Variants in ZFP2 observed in about 807,000 individuals in gnomAD.
The protein encoded by ZFP2 is zinc finger protein ZFP2.
A neutral mutation model predicts 36.1 loss-of-function variants in ZFP2; 33 were observed. The observed-to-expected ratio is 0.92, with a 90% confidence interval of 0.69 to 1.22. The LOEUF (loss-of-function observed/expected upper bound fraction) is 1.22, where lower values mean the gene tolerates loss of function less well. ZFP2 is among the 50% of genes most tolerant of loss of function. The probability of loss-of-function intolerance (pLI) is 0.00; values close to 1 mark genes in which losing one functional copy is unlikely to be tolerated. For missense variants in ZFP2, 522 were observed against 551.4 expected, an observed-to-expected ratio of 0.95 and a Z score of 0.53; for synonymous variants, 170 against 178.0, an observed-to-expected ratio of 0.96 and a Z score of 0.36.
chr5:178,896,246 A>G (rs1192768396), intron 1 of ZFP2, among the ~76,000 whole-genome samples: 1 of 152,156 alleles, frequency 6.6e-6, no homozygotes. Context: ...CCGAGGTGGA[A>G]TCACAGCCCC....
intron 1 of ZFP2, among the ~76,000 whole-genome samples, chr5:178,902,074 G>A (rs1009879848): frequency 1.3e-5 from 2 of 152,198 alleles, no homozygotes; most frequent in African/African-American, 4.8e-5. Context: ...GGCGGAAGTT[G>A]CAGTGACGTG....
rs1008406670 is a variant in ZFP2 at position 178,915,330 on chromosome 5, T to C, written c.-223-1235T>C. Reference sequence around the variant, plus strand: ...CCTAAAGGTTTTTCTTTCTTTTTTTTTTTTTTTTTTTTTTTGAGATGGAGT... The same window carrying C: ...CCTAAAGGTTTTTCTTTCTTTTTTTCTTTTTTTTTTTTTTTGAGATGGAGT... On this transcript the variant is annotated intron_variant, in intron 3 of 4. Transcript: ENST00000361362. 1.8e-4 allele frequency among the ~76,000 whole-genome samples: 25 copies of C among 140,880 alleles called. No homozygotes were observed. In the East Asian group the frequency reaches 4.1e-3, roughly 23 times the overall value. 92.4% of individuals were successfully genotyped at this position (140,880 alleles called of 152,430 possible).
chr5:178,922,026 G>A lies in ZFP2; in HGVS notation c.-78+5316G>A, dbSNP rs147749482. On this transcript the variant is annotated intron_variant, in intron 4 of 4. Coordinates refer to ENST00000361362, the MANE Select transcript of ZFP2 (RefSeq NM_030613.4). ...TGTAAAAACATTTAAAGCTCCTTCCGCAGGCAGGAGAGTCAGCTAGCCACC... is the reference window on the plus strand; with the variant it reads ...TGTAAAAACATTTAAAGCTCCTTCCACAGGCAGGAGAGTCAGCTAGCCACC... The A allele has an allele frequency of 5.5e-5, 38 of 696,578 alleles. 2 individuals are homozygous for A. The highest frequency in any genetic ancestry group is 3.3e-4 in the Middle Eastern group (1 of 3,072). 43.1% of individuals were successfully genotyped at this position (696,578 alleles called of 1,614,324 possible).
rs185270448 is a variant in ZFP2 at position 178,924,583 on chromosome 5, T to C, written c.-77-6654T>C. ...GGCCAGGCACAGGGGCTCCCACCAG[T>C]AATCCCAGCACTTTGGGAGGCCAAG... On this transcript the variant is annotated intron_variant, in intron 4 of 4. Transcript: ENST00000361362. Among the ~76,000 whole-genome samples, 54 of 148,928 alleles carry C rather than the reference T, an allele frequency of 3.6e-4. 2 individuals carry two copies. Among genetic ancestry groups the C allele is most frequent in the African/African-American group, 1.3e-3 (52 of 41,192 alleles).
rs758831972 is a variant in ZFP2 at position 178,932,502 on chromosome 5, C to G, written c.1189C>G (p.Leu397Val). 5.6e-6 allele frequency: 9 copies of G among 1,613,942 alleles called. No homozygotes were observed. In the South Asian group the frequency reaches 9.9e-5, roughly 18 times the overall value. ...CGKAFSQSAY[L>V]IEHQRIHTGE... ...AAAGGCATTCAGCCAGAGTGCTTAC[C>G]TTATTGAACATCAAAGAATTCATAC... The change falls in exon 5 of 5, where the codon CTT becomes GTT. Residue 397 changes from leucine to valine, a missense_variant. Leu to Val is a conservative substitution (Grantham distance 32, BLOSUM62 1). Transcript: ENST00000361362.
At chr5:178,917,442 C>A (rs1296817496) in intron 4 of ZFP2, among the ~76,000 whole-genome samples, 1 of 152,012 alleles carries the variant, frequency 6.6e-6, no homozygotes, top group South Asian at 2.1e-4. Flanking sequence ...TGGTGAAACC[C>A]CGTCTCTACT....
chr5:178,897,042 CTTTTTT>C (rs3986659), intron 1 of ZFP2, among the ~76,000 whole-genome samples: 91 of 147,780 alleles, frequency 6.2e-4, no homozygotes, highest in African/African-American at 2.2e-3. Flanking sequence ...TTTCTTTTTT[CTTTTTT>C]TTTTTCAGTA....
At chr5:178,899,733 C>T (rs550303460) in intron 1 of ZFP2, among the ~76,000 whole-genome samples, 1 of 150,202 alleles carries the variant, frequency 6.7e-6, no homozygotes, top group South Asian at 2.1e-4. Flanking sequence ...CCAGGCTTCT[C>T]TGAAAAAGAA....
chr5:178,904,370 G>A (rs778768049), intron 1 of ZFP2, among the ~76,000 whole-genome samples: 1 of 152,094 alleles, frequency 6.6e-6, no homozygotes, highest in Non-Finnish European at 1.5e-5. Flanking sequence ...GACGCAGCAG[G>A]GGAACATGGT....
chr5:178,918,913 C>T (rs1229484983), intron 4 of ZFP2, among the ~76,000 whole-genome samples: 2 of 152,144 alleles, frequency 1.3e-5, no homozygotes. Context: ...ACCTATACTG[C>T]TCAGGCTCCA....
At chr5:178,899,947 CTG>C (rs1218961442) in intron 1 of ZFP2, among the ~76,000 whole-genome samples, 1 of 151,896 alleles carries the variant, frequency 6.6e-6, no homozygotes, top group African/African-American at 2.4e-5. Flanking sequence ...CAAGTATAAA[CTG>C]TTGTGATTTC....
Position 178,896,387 on chromosome 5 carries a change from C to G in ZFP2, c.-450+413C>G, listed in dbSNP as rs1367491432. 4.6e-5 allele frequency among the ~76,000 whole-genome samples: 7 copies of G among 152,324 alleles called. No homozygotes were observed. The South Asian group carries it at 1.4e-3, about 32-fold the overall frequency. On this transcript the variant is annotated intron_variant, in intron 1 of 4. Coordinates refer to ENST00000361362, the MANE Select transcript of ZFP2 (RefSeq NM_030613.4). The stretch of plus-strand genomic sequence containing the variant: ...TTCCCCAGCCGCGCGCAGCTTTGTC[C>G]CGGGACACGCTGCGACCGTGGAGCG...
chr5:178,901,110 A>G (rs991285762), intron 1 of ZFP2, among the ~76,000 whole-genome samples: 3 of 152,212 alleles, frequency 2.0e-5, no homozygotes, highest in Non-Finnish European at 4.4e-5. Flanking sequence ...TTTAGCTATT[A>G]TGAATAAAAC....
At chr5:178,909,816 A>G (rs1758250811) in intron 1 of ZFP2, 2 of 1,592,728 alleles carry the variant, frequency 1.3e-6, no homozygotes, top group Admixed American at 3.4e-5. Context: ...GGTGTCGAAG[A>G]GATTTGGCCA....
At chr5:178,910,963 T>A (rs377046018) in intron 1 of ZFP2, among the ~76,000 whole-genome samples, 1 of 152,214 alleles carries the variant, frequency 6.6e-6, no homozygotes, top group Admixed American at 6.5e-5. Flanking sequence ...TTGGTGTTTG[T>A]CACTATATGT....
chr5:178,897,875 C>G (rs1757974542), intron 1 of ZFP2, among the ~76,000 whole-genome samples: 2 of 152,110 alleles, frequency 1.3e-5, no homozygotes, highest in African/African-American at 4.8e-5. Flanking sequence ...ATATTGTGTT[C>G]CAATTCTTGT....
At chr5:178,930,793 G>A (rs1011318456) in intron 4 of ZFP2, among the ~76,000 whole-genome samples, 6 of 152,208 alleles carry the variant, frequency 3.9e-5, no homozygotes, top group South Asian at 2.1e-4. Flanking sequence ...TTAATTTGGT[G>A]TAGGATTCTA....
At chr5:178,917,564 GAGATCATGCC>G (rs1758462311) in intron 4 of ZFP2, among the ~76,000 whole-genome samples, 1 of 151,730 alleles carries the variant, frequency 6.6e-6, no homozygotes, top group Non-Finnish European at 1.5e-5. Context: ...GCAGTAAGCC[GAGATCATGCC>G]ACTGCACTCC....
intron 1 of ZFP2, among the ~76,000 whole-genome samples, chr5:178,911,500 A>T (rs1282405338): frequency 6.6e-6 from 1 of 152,140 alleles, no homozygotes; most frequent in Non-Finnish European, 1.5e-5. Context: ...TGCCGTCTGT[A>T]TGTGAAGACA....
Sources: gnomAD v4.1 joint callset for allele counts (sites outside exome capture counted in the v4.1 genomes callset) on GRCh38, gnomAD v4.1.1 for gene constraint, MANE v1.5 for transcripts, NCBI Gene and HGNC (gene_info 2026-07-23, HGNC 2026-07-21) for gene names.